Variants in SRC observed in about 807,000 individuals in gnomAD.
SRC encodes SRC proto-oncogene, non-receptor tyrosine kinase, also known as proto-oncogene tyrosine-protein kinase Src.
Under a neutral mutation model 62.9 loss-of-function variants are expected in SRC, and 13 were observed. The observed-to-expected ratio is 0.21, with a 90% confidence interval of 0.13 to 0.33. The LOEUF (loss-of-function observed/expected upper bound fraction) is 0.33, where lower values mean the gene tolerates loss of function less well. Ranked by LOEUF, SRC falls within the 10% of genes least tolerant of loss-of-function variation. The pLI is 1.00. For synonymous variants in SRC, 302 were observed against 317.5 expected, an observed-to-expected ratio of 0.95 and a Z score of 0.52; for missense variants, 457 against 737.3, an observed-to-expected ratio of 0.62 and a Z score of 4.40.
intron 2 of SRC, among the ~76,000 whole-genome samples, chr20:37,365,728 G>A (rs1359545599): frequency 1.3e-5 from 2 of 151,968 alleles, no homozygotes; most frequent in African/African-American, 4.8e-5. Context: ...GGGACTGCAG[G>A]CACATGCACC....
At chr20:37,373,037 CAT>C (rs1348339272) in intron 2 of SRC, among the ~76,000 whole-genome samples, 1 of 151,706 alleles carries the variant, frequency 6.6e-6, no homozygotes, top group African/African-American at 2.4e-5. Context: ...CATATATACA[CAT>C]ATACACATAT....
chr20:37,392,776 C>G (rs2070573040), intron 5 of SRC, among the ~76,000 whole-genome samples: 1 of 152,118 alleles, frequency 6.6e-6, no homozygotes, highest in African/African-American at 2.4e-5. Flanking sequence ...CCCTGTGGAC[C>G]CCGTCCCTGT....
Position 37,396,051 on chromosome 20 carries a change from C to T in SRC, c.554-111C>T, listed in dbSNP as rs1047694063. ...GAGAGACAGGGTGGGCCTGGGGCCCCGCCTGGGCCTCCCTTCCCTCCAATG... is the reference window on the plus strand; with the variant it reads ...GAGAGACAGGGTGGGCCTGGGGCCCTGCCTGGGCCTCCCTTCCCTCCAATG... On this transcript the variant is annotated intron_variant, in intron 7 of 13. Transcript: ENST00000373578. This position sits in a 1 kb window ranked among gnomAD's most constrained non-coding sequence, Gnocchi z 6.1. 1.7e-5 allele frequency: 26 copies of T among 1,487,574 alleles called. No homozygotes were observed. Among genetic ancestry groups the T allele is most frequent in the Admixed American group, 3.9e-5 (2 of 51,136 alleles). The allele number at this position is 1,487,574 out of a possible 1,614,324, so 92.1% of individuals were successfully genotyped here.
chr20:37,348,180 T>A (rs1456209571), intron 1 of SRC, among the ~76,000 whole-genome samples: 3 of 152,188 alleles, frequency 2.0e-5, no homozygotes, highest in Admixed American at 2.0e-4. Context: ...TAGGCCCCTC[T>A]CTTCTAGGAG....
At chr20:37,361,669 C>T (rs1213744116) in intron 1 of SRC, among the ~76,000 whole-genome samples, 5 of 152,222 alleles carry the variant, frequency 3.3e-5, no homozygotes, top group Non-Finnish European at 7.3e-5. Flanking sequence ...GGTGGGGCAG[C>T]TGGGGGCTCT....
rs10535931 is a variant in SRC at position 37,373,268 on chromosome 20, GCACACA to G, written c.-173+8002_-173+8007del. ...TACACACGCACACACATGTACATAC[GCACACA>G]CACACACACATATTACATATGTACA... On this transcript the variant is annotated intron_variant, in intron 2 of 13. Transcript: ENST00000373578. 3.4e-3 allele frequency among the ~76,000 whole-genome samples: 507 copies of G among 150,044 alleles called. 5 individuals carry two copies. The highest frequency in any genetic ancestry group is 8.5e-3 in the South Asian group (40 of 4,692).
chr20:37,388,466 C>G (rs2070490200), intron 5 of SRC, among the ~76,000 whole-genome samples: 1 of 152,228 alleles, frequency 6.6e-6, no homozygotes, highest in African/African-American at 2.4e-5. Context: ...GAGATGGTGG[C>G]TGAGCGCGGT....
intron 7 of SRC, among the ~76,000 whole-genome samples, chr20:37,395,264 G>A (rs2070624805): frequency 6.6e-6 from 1 of 152,220 alleles, no homozygotes; most frequent in Non-Finnish European, 1.5e-5. Context: ...TCTGTACGCT[G>A]GGATTGTAAT....
Position 37,400,278 on chromosome 20 carries a change from G to A in SRC, c.1023G>A (p.Thr341=), listed in dbSNP as rs773655115. The change falls in exon 10 of 14, where the codon ACG becomes ACA. Residue 341 remains threonine (T), a synonymous_variant. Coordinates refer to ENST00000373578, the MANE Select transcript of SRC (RefSeq NM_198291.3). The part of the protein sequence containing the change: ...VVSEEPIYIV[T]EYMSKGSLLD... The stretch of plus-strand genomic sequence containing the variant: ...CAGAGGAGCCCATTTACATCGTCAC[G>A]GAGTACATGAGCAAGGGTGAGTCCT... The A allele has an allele frequency of 2.3e-5, 37 of 1,612,878 alleles. No individual in the cohort carries two copies. The Admixed American group carries it at 4.3e-4, about 19-fold the overall frequency.
At chr20:37,373,241 TGTACACAC>T (rs1293188613) in intron 2 of SRC, among the ~76,000 whole-genome samples, 14 of 123,264 alleles carry the variant, frequency 1.1e-4, no homozygotes, top group Non-Finnish European at 2.1e-4. Flanking sequence ...CATGCACATA[TGTACACAC>T]GCACACACAT....
In SRC at chr20:37,368,518, CTTTTTTTTTTTTT is replaced by C. The variant is rs1352624429; in HGVS notation, c.-173+3254_-173+3266del. Among the ~76,000 whole-genome samples, 10 of 73,898 alleles carry C rather than the reference CTTTTTTTTTTTTT, an allele frequency of 1.4e-4. No homozygotes were observed. In the East Asian group the frequency reaches 1.9e-3, roughly 14 times the overall value. The allele number at this position is 73,898 out of a possible 152,430, so 48.5% of individuals were successfully genotyped here. A position where few individuals can be genotyped will look rare whatever the true frequency, so the allele number is the denominator to read the frequency against. Reference sequence around the variant, plus strand: ...GTCATAACATTTATGCCTATATTTTCTTTTTTTTTTTTTTTTTTTTTTTTTGTTTTTTTTTTTT... The same window carrying C: ...GTCATAACATTTATGCCTATATTTTCTTTTTTTTTTTTGTTTTTTTTTTTT... On this transcript the variant is annotated intron_variant, in intron 2 of 13. Coordinates refer to ENST00000373578, the MANE Select transcript of SRC (RefSeq NM_198291.3).
chr20:37,400,434 G>A (rs925406873), intron 10 of SRC, 140 bp downstream of exon 10: 43 of 728,638 alleles, frequency 5.9e-5, no homozygotes, highest in Non-Finnish European at 8.0e-5. Flanking sequence ...TGCCTGGGCC[G>A]GAGTGTGGTG....
At position 37,405,545 on chromosome 20, in the gene SRC, AGG is replaced by A. The variant is rs2070816802; in HGVS notation, c.*2169_*2170del. ...TAGCTGGAGGGCTTCAGGCCAAGGC[AGG>A]GGTGACATCAGATTGGAGACAGCTA... On this transcript the variant is annotated 3_prime_UTR_variant, in exon 14 of 14. Coordinates refer to ENST00000373578, the MANE Select transcript of SRC (RefSeq NM_198291.3). 5.6e-6 allele frequency: 1 copy of A among 177,960 alleles called. No individual in the cohort carries two copies. Among genetic ancestry groups the A allele is most frequent in the Non-Finnish European group, 1.2e-5 (1 of 82,764 alleles). 11.0% of individuals were successfully genotyped at this position (177,960 alleles called of 1,614,324 possible).
At position 37,400,124 on chromosome 20, in the gene SRC, A is replaced by G. The variant is rs1246093856; in HGVS notation, c.869A>G (p.Asn290Ser). Reference protein sequence around the residue: ...CFGEVWMGTWNGTTRVAIKTL... With the variant: ...CFGEVWMGTWSGTTRVAIKTL... ...CATCCCTCCTCAACAGGGACCTGGAACGGTACCACCAGGGTGGCCATCAAA... is the reference window on the plus strand; with the variant it reads ...CATCCCTCCTCAACAGGGACCTGGAGCGGTACCACCAGGGTGGCCATCAAA... Residue 290 changes from asparagine to serine, a missense_variant, in exon 10 of 14, where the codon AAC becomes AGC. Asn to Ser is a conservative substitution (Grantham distance 46, BLOSUM62 1). Coordinates refer to ENST00000373578, the MANE Select transcript of SRC (RefSeq NM_198291.3). 7 of 1,607,874 alleles carry G rather than the reference A, an allele frequency of 4.4e-6. No homozygotes were observed. The highest frequency in any genetic ancestry group is 5.1e-6 in the Non-Finnish European group (6 of 1,176,830).
chr20:37,387,072 G>A (rs574038934), intron 5 of SRC, among the ~76,000 whole-genome samples: 13 of 152,342 alleles, frequency 8.5e-5, no homozygotes, highest in East Asian at 5.8e-4. Flanking sequence ...ACGCCTTCAC[G>A]GGTGTGGAAG....
In SRC at chr20:37,404,798, G is replaced by T. The variant is rs2070800207; in HGVS notation, c.*1419G>T. On this transcript the variant is annotated 3_prime_UTR_variant, in exon 14 of 14. Transcript: ENST00000373578. ...GCTCTGTTCGGCCTTTGGGTGTGTG[G>T]TGGATTCTCCCTGGGCCTCAGTGTG... is the stretch of plus-strand genomic sequence containing the variant. The T allele has an allele frequency of 4.3e-6, 1 of 233,466 alleles. No individual in the cohort carries two copies. Among genetic ancestry groups the T allele is most frequent in the Non-Finnish European group, 8.5e-6 (1 of 118,142 alleles). The allele number at this position is 233,466 out of a possible 1,614,324, so 14.5% of individuals were successfully genotyped here.
At chr20:37,361,979 C>T (rs1045433023) in intron 1 of SRC, among the ~76,000 whole-genome samples, 2 of 151,158 alleles carry the variant, frequency 1.3e-5, no homozygotes, top group Non-Finnish European at 2.9e-5. Flanking sequence ...ATGCTGGGGT[C>T]TCTGTGTGCA....
chr20:37,384,439 T>A lies in SRC; in HGVS notation c.250+36T>A. The A allele has an allele frequency of 7.8e-7, 1 of 1,287,282 alleles. No individual in the cohort carries two copies. The highest frequency in any genetic ancestry group is 9.8e-7 in the Non-Finnish European group (1 of 1,024,618). The allele number at this position is 1,287,282 out of a possible 1,614,324, so 79.7% of individuals were successfully genotyped here. ...GGGCGGCGCGGGGTCCTCGCCCACC[T>A]GGGGCCACGGCGGGGAGGCGGCGGG... is the stretch of plus-strand genomic sequence containing the variant. On this transcript the variant is annotated intron_variant, in intron 4 of 13. Coordinates refer to ENST00000373578, the MANE Select transcript of SRC (RefSeq NM_198291.3). The surrounding 1 kb of genome is among the most constrained non-coding windows in gnomAD (Gnocchi z 6.7).
intron 9 of SRC, among the ~76,000 whole-genome samples, chr20:37,399,242 G>A (rs375725777): frequency 1.0e-3 from 154 of 152,260 alleles, no homozygotes; most frequent in African/African-American, 3.6e-3. Context: ...TGGTCTCTCC[G>A]CTGGCAGGAG....
Sources: gnomAD v4.1 joint callset for allele counts (sites outside exome capture counted in the v4.1 genomes callset) on GRCh38, gnomAD v4.1.1 for gene constraint, Gnocchi (gnomAD v3.1) non-coding constraint, MANE v1.5 for transcripts, NCBI Gene and HGNC (gene_info 2026-07-23, HGNC 2026-07-21) for gene names.